PRKN: variants seen among roughly 807,000 people sequenced by gnomAD.
The protein encoded by PRKN is parkin RBR E3 ubiquitin protein ligase.
In PRKN, 56 loss-of-function variants were observed where a neutral mutation model predicts 59.5. The ratio of observed to expected loss-of-function variants is 0.94; its 90% confidence interval spans 0.76 to 1.18. PRKN has a LOEUF of 1.18. PRKN is among the 50% of genes most tolerant of loss of function. PRKN has a pLI of 0.00. For synonymous variants in PRKN, 250 were observed against 222.1 expected (o/e 1.13, Z -1.12); for missense variants, 657 against 596.4 (o/e 1.10, Z -1.06).
At chr6:161,978,671 G>A (rs1309080046) in intron 5 of PRKN, among the ~76,000 whole-genome samples, 1 of 152,238 alleles carries the variant, frequency 6.6e-6, no homozygotes, top group African/African-American at 2.4e-5. Context: ...TGGTCAGAAG[G>A]CTGGCACCAC....
chr6:161,640,548 A>G (rs902178482), intron 7 of PRKN, among the ~76,000 whole-genome samples: 2 of 152,198 alleles, frequency 1.3e-5, no homozygotes, highest in Admixed American at 1.3e-4. Context: ...CCTACATAAT[A>G]GGTTACCTCT....
rs10945751 is a variant in PRKN, at chr6:161,410,242, T to C, written c.1084-23365A>G. On this transcript the variant is annotated intron_variant, in intron 9 of 11. Transcript: ENST00000366898. This position sits in a 1 kb window ranked among gnomAD's most constrained non-coding sequence, Gnocchi z 5.3. ...ACATGAGTGAGAGTACGAGCATGTC[T>C]CAGCTGGTAGCCCTTGTCCCAGAGC... Among the ~76,000 whole-genome samples, 42,571 of 152,090 alleles carry C rather than the reference T, an allele frequency of 0.28. 7,143 individuals are homozygous for C. The highest frequency in any genetic ancestry group is 0.83 in the East Asian group (4,281 of 5,144).
At chr6:162,414,167 G>C (rs1472837725) in intron 2 of PRKN, among the ~76,000 whole-genome samples, 1 of 151,412 alleles carries the variant, frequency 6.6e-6, no homozygotes, top group African/African-American at 2.4e-5. Flanking sequence ...TGGGCCACAG[G>C]GTGAGACTCT....
intron 4 of PRKN, among the ~76,000 whole-genome samples, chr6:162,083,722 C>G (rs1779150016): frequency 6.6e-6 from 1 of 151,896 alleles, no homozygotes; most frequent in Non-Finnish European, 1.5e-5. Flanking sequence ...ATCAATTACA[C>G]AGTTAATAAC....
At chr6:162,160,847 C>T (rs577230147) in intron 4 of PRKN, among the ~76,000 whole-genome samples, 6 of 130,764 alleles carry the variant, frequency 4.6e-5, no homozygotes, top group South Asian at 2.7e-4. Flanking sequence ...GCCTAGATCG[C>T]GCCACTGTAC....
intron 6 of PRKN, among the ~76,000 whole-genome samples, chr6:161,935,194 CA>C (rs1280319025): frequency 6.6e-6 from 1 of 151,930 alleles, no homozygotes; most frequent in Non-Finnish European, 1.5e-5. Flanking sequence ...ATTTTTGTGC[CA>C]AAATAAACTC....
At chr6:162,223,878 G>A (rs1198758969) in intron 3 of PRKN, among the ~76,000 whole-genome samples, 1 of 151,986 alleles carries the variant, frequency 6.6e-6, no homozygotes, top group African/African-American at 2.4e-5. Flanking sequence ...ATATGAGATA[G>A]GAATCATATG....
chr6:161,706,698 C>T (rs1786514379), intron 7 of PRKN, among the ~76,000 whole-genome samples: 1 of 152,136 alleles, frequency 6.6e-6, no homozygotes, highest in Non-Finnish European at 1.5e-5. Context: ...GCTGGGATTA[C>T]AGGCGTGTAC....
At position 162,040,253 on chromosome 6, in the gene PRKN, G is replaced by A. The variant is rs569282202; in HGVS notation, c.618+13838C>T. 7.2e-5 allele frequency among the ~76,000 whole-genome samples: 11 copies of A among 152,232 alleles called. No homozygotes were observed. In the South Asian group the frequency reaches 2.3e-3, roughly 32 times the overall value. On this transcript the variant is annotated intron_variant, in intron 5 of 11. Transcript: ENST00000366898. ...GCATTTACAATGTTGTTTGGGGGCT[G>A]CTAGTGTACAGGTCAACAAAAGAGG...
At chr6:162,582,567 CATG>C (rs751693639) in intron 1 of PRKN, among the ~76,000 whole-genome samples, 35 of 152,144 alleles carry the variant, frequency 2.3e-4, no homozygotes, top group Non-Finnish European at 4.3e-4. Flanking sequence ...TTCAAATTTG[CATG>C]ATAATATCTG....
intron 2 of PRKN, among the ~76,000 whole-genome samples, chr6:162,436,871 C>T (rs1401754658): frequency 2.0e-5 from 3 of 151,892 alleles, no homozygotes; most frequent in African/African-American, 2.4e-5. Flanking sequence ...ATGAGTGGAT[C>T]ACCTGAGGTC....
At chr6:162,218,947 G>T (rs1247147050) in intron 3 of PRKN, among the ~76,000 whole-genome samples, 1 of 152,154 alleles carries the variant, frequency 6.6e-6, no homozygotes, top group African/African-American at 2.4e-5. Flanking sequence ...GCCAAGAAAG[G>T]TGGATCACTT....
Position 161,362,520 on chromosome 6 carries a change from C to T in PRKN, c.1168-2315G>A, listed in dbSNP as rs1315480119. Among the ~76,000 whole-genome samples the T allele has an allele frequency of 2.0e-5, 3 of 152,254 alleles. No homozygotes were observed. Among genetic ancestry groups the T allele is most frequent in the South Asian group, 2.1e-4 (1 of 4,820 alleles). ...AGTGGAGGAAGCCAGGGCAAAAGCCCGCCCTGAAGAGATAATTGACAGATA... is the reference window on the plus strand; with the variant it reads ...AGTGGAGGAAGCCAGGGCAAAAGCCTGCCCTGAAGAGATAATTGACAGATA... On this transcript the variant is annotated intron_variant, in intron 10 of 11. Coordinates refer to ENST00000366898, the MANE Select transcript of PRKN (RefSeq NM_004562.3). The surrounding 1 kb of genome is among the most constrained non-coding windows in gnomAD (Gnocchi z 5.2).
At chr6:162,628,269 C>T (rs2128222104) in intron 1 of PRKN, among the ~76,000 whole-genome samples, 1 of 152,196 alleles carries the variant, frequency 6.6e-6, no homozygotes, top group African/African-American at 2.4e-5. Context: ...GGAACTTAAA[C>T]ATAACTGTAT....
intron 6 of PRKN, among the ~76,000 whole-genome samples, chr6:161,864,869 T>G (rs1794051529): frequency 6.6e-6 from 1 of 152,034 alleles, no homozygotes; most frequent in Non-Finnish European, 1.5e-5. Flanking sequence ...TTGGCCAGAG[T>G]GGTCTCAAAC....
rs1009439582 is a variant in PRKN, at chr6:161,378,219, A to C, written c.1167+8575T>G. ...AGCATGGCAGAGCTCACAGGAGAGC[A>C]CTTCAACAAGCAGATGGAGGGATCC... is the stretch of plus-strand genomic sequence containing the variant. On this transcript the variant is annotated intron_variant, in intron 10 of 11. Coordinates refer to ENST00000366898, the MANE Select transcript of PRKN (RefSeq NM_004562.3). The surrounding 1 kb of genome is among the most constrained non-coding windows in gnomAD (Gnocchi z 7.3). Among the ~76,000 whole-genome samples the C allele has an allele frequency of 6.6e-6, 1 of 152,068 alleles. No individual in the cohort carries two copies. Among genetic ancestry groups the C allele is most frequent in the African/African-American group, 2.4e-5 (1 of 41,428 alleles).
chr6:161,383,202 G>A lies in PRKN; in HGVS notation c.1167+3592C>T, dbSNP rs1302416648. Among the ~76,000 whole-genome samples, 4 of 152,256 alleles carry A rather than the reference G, an allele frequency of 2.6e-5. No homozygotes were observed. In the South Asian group the frequency reaches 8.3e-4, roughly 32 times the overall value. On this transcript the variant is annotated intron_variant, in intron 10 of 11. Coordinates refer to ENST00000366898, the MANE Select transcript of PRKN (RefSeq NM_004562.3). ...GACCATGCTGCTTGAGAGAAATGTAGGGAACAGAAAATAAGCCAGCTCTAT... is the reference window on the plus strand; with the variant it reads ...GACCATGCTGCTTGAGAGAAATGTAAGGAACAGAAAATAAGCCAGCTCTAT...
intron 9 of PRKN, among the ~76,000 whole-genome samples, chr6:161,392,149 AG>A (rs1258399255): frequency 3.3e-5 from 5 of 151,848 alleles, no homozygotes; most frequent in African/African-American, 1.2e-4. Context: ...GTCTTGGCCA[AG>A]CTGGTCTCGA....
chr6:162,637,154 G>C (rs1777747867), intron 1 of PRKN, among the ~76,000 whole-genome samples: 1 of 151,906 alleles, frequency 6.6e-6, no homozygotes, highest in Non-Finnish European at 1.5e-5. Flanking sequence ...CTACTCGGGA[G>C]GCTGAGGCAG....
Sources: allele counts gnomAD v4.1 joint callset (sites outside exome capture counted in the v4.1 genomes callset), GRCh38; gene constraint gnomAD v4.1.1; non-coding constraint Gnocchi (gnomAD v3.1); transcripts MANE v1.5; gene names NCBI Gene and HGNC (gene_info 2026-07-23, HGNC 2026-07-21).